The following ATE1 variants were observed in gnomAD, a reference collection of about 807,000 sequenced individuals.
ATE1 encodes the protein arginyl-tRNA--protein transferase 1.
Under a neutral mutation model 70.5 loss-of-function variants are expected in ATE1, and 36 were observed. The ratio of observed to expected loss-of-function variants is 0.51; its 90% CI spans 0.39 to 0.67. ATE1 has a LOEUF of 0.67. ATE1 is among the 30% of genes least tolerant of loss of function. The pLI is 0.00. For missense variants in ATE1, 593 were observed against 629.5 expected (o/e 0.94, Z 0.62); for synonymous variants, 232 against 219.3 (o/e 1.06, Z -0.51).
intron 11 of ATE1, among the ~76,000 whole-genome samples, chr10:121,749,390 T>A (rs1944493690): frequency 1.3e-5 from 2 of 152,186 alleles, no homozygotes; most frequent in African/African-American, 2.4e-5. Context: ...GCCTATCTTT[T>A]CTCACGTGAA....
intron 10 of ATE1, among the ~76,000 whole-genome samples, chr10:121,823,708 A>C (rs1947894139): frequency 6.6e-6 from 1 of 152,216 alleles, no homozygotes; most frequent in African/African-American, 2.4e-5. Flanking sequence ...CACTACATCA[A>C]GCTTTCTAGT....
intron 10 of ATE1, among the ~76,000 whole-genome samples, chr10:121,794,371 A>C (rs1331412498): frequency 1.3e-5 from 2 of 152,158 alleles, no homozygotes; most frequent in Non-Finnish European, 2.9e-5. Context: ...GCATATCTTG[A>C]TCTTTGTGAC....
intron 2 of ATE1, among the ~76,000 whole-genome samples, chr10:121,923,184 G>A (rs1224011424): frequency 6.6e-6 from 1 of 152,128 alleles, no homozygotes; most frequent in East Asian, 1.9e-4. Flanking sequence ...CTTCTAAAAA[G>A]TTCTGGCCAG....
chr10:121,914,507 T>TG (rs1347669632), intron 3 of ATE1, among the ~76,000 whole-genome samples: 1 of 149,592 alleles, frequency 6.7e-6, no homozygotes, highest in South Asian at 2.1e-4. Context: ...AGGCCAACAG[T>TG]GGAAAAAAAA....
intron 11 of ATE1, among the ~76,000 whole-genome samples, chr10:121,773,883 ATTAT>A (rs917412337): frequency 3.3e-5 from 5 of 152,164 alleles, no homozygotes; most frequent in Admixed American, 3.3e-4. Context: ...ATTTTAAAGC[ATTAT>A]TTGTTTTCAA....
intron 11 of ATE1, among the ~76,000 whole-genome samples, chr10:121,766,610 C>T (rs4751851): frequency 0.82 from 124,996 of 151,880 alleles, 51,785 homozygotes; most frequent in Non-Finnish European, 0.88. Context: ...AAAAAATCCC[C>T]GAAATTTGGG....
At chr10:121,784,696 TAA>T (rs1329857231) in intron 11 of ATE1, among the ~76,000 whole-genome samples, 1 of 152,002 alleles carries the variant, frequency 6.6e-6, no homozygotes, top group Non-Finnish European at 1.5e-5. Flanking sequence ...CCATCTCTAC[TAA>T]AAATACAAAA....
intron 11 of ATE1, among the ~76,000 whole-genome samples, chr10:121,768,889 T>A (rs1344613411): frequency 6.6e-6 from 1 of 151,986 alleles, no homozygotes; most frequent in African/African-American, 2.4e-5. Flanking sequence ...AAACTGCTGA[T>A]GAAAAAAAAT....
At chr10:121,813,904 C>T (rs549754991) in intron 10 of ATE1, among the ~76,000 whole-genome samples, 3 of 152,278 alleles carry the variant, frequency 2.0e-5, no homozygotes, top group South Asian at 4.1e-4. Flanking sequence ...TTGACATAAA[C>T]GTGGCTGTGT....
intron 11 of ATE1, among the ~76,000 whole-genome samples, chr10:121,754,861 AC>A (rs1944728881): frequency 6.6e-6 from 1 of 152,202 alleles, no homozygotes; most frequent in South Asian, 2.1e-4. Context: ...ATGAATTAAC[AC>A]TGTATACCTC....
At chr10:121,927,430 G>A (rs1477629612) in intron 1 of ATE1, 2 of 984,124 alleles carry the variant, frequency 2.0e-6, no homozygotes, top group Non-Finnish European at 2.4e-6. Context: ...ACCGGCACCT[G>A]TGTGCACACC....
At chr10:121,892,216 G>T (rs531508426) in intron 7 of ATE1, among the ~76,000 whole-genome samples, 1 of 152,118 alleles carries the variant, frequency 6.6e-6, no homozygotes, top group East Asian at 1.9e-4. Flanking sequence ...AGTGGAGAAA[G>T]AATTTCTAGG....
intron 11 of ATE1, among the ~76,000 whole-genome samples, chr10:121,762,691 C>T (rs941794495): frequency 3.9e-5 from 6 of 152,164 alleles, no homozygotes; most frequent in Non-Finnish European, 8.8e-5. Flanking sequence ...ACTGGTTCCA[C>T]TTTGTGCCCT....
chr10:121,911,193 T>C (rs1951410717), intron 4 of ATE1, 42 bp from the exon 5 acceptor site: 2 of 1,590,334 alleles, frequency 1.3e-6, no homozygotes, highest in Non-Finnish European at 1.7e-6. Context: ...GCTGGGTTAT[T>C]TGATACAGTT....
Position 121,902,404 on chromosome 10 carries a change from GA to G in ATE1, c.799del (p.Ser267HisfsTer4), listed in dbSNP as rs748591419. 1.9e-6 allele frequency: 3 copies of G among 1,613,882 alleles called. No individual in the cohort carries two copies. The Admixed American group carries it at 5.0e-5, about 27-fold the overall frequency. On this transcript the variant is annotated frameshift_variant, in exon 6 of 12. Coordinates refer to ENST00000224652, the MANE Select transcript of ATE1 (RefSeq NM_001001976.3). LOFTEE classifies it high-confidence loss of function. ...LIFESLPENA[S>X]HKLEVRVVRS... is the part of the protein sequence containing the mutation. ...CCTCCAAAGTACCTCTAACTTGTGT[GA>G]TGCATTCTCTGGTAAAGACTCAAAA...
chr10:121,915,153 T>TA (rs1310882240), intron 3 of ATE1, among the ~76,000 whole-genome samples: 2 of 152,100 alleles, frequency 1.3e-5, no homozygotes, highest in Non-Finnish European at 2.9e-5. Flanking sequence ...GAGAACCTTT[T>TA]AAAAAAATCC....
chr10:121,750,867 CG>C (rs576734407), intron 11 of ATE1, among the ~76,000 whole-genome samples: 12 of 152,172 alleles, frequency 7.9e-5, no homozygotes, highest in African/African-American at 2.4e-4. Flanking sequence ...TGAATGACAG[CG>C]GAAGAAATAC....
intron 10 of ATE1, among the ~76,000 whole-genome samples, chr10:121,824,374 GTGTT>G (rs1321497031): frequency 6.6e-6 from 1 of 152,146 alleles, no homozygotes; most frequent in Admixed American, 6.5e-5. Context: ...ATTTACCAAC[GTGTT>G]TGGTCAGGAA....
chr10:121,906,317 C>T (rs904129488), intron 5 of ATE1, among the ~76,000 whole-genome samples: 2 of 152,058 alleles, frequency 1.3e-5, no homozygotes, highest in African/African-American at 4.8e-5. Flanking sequence ...CACTTGAGTC[C>T]AGGAGTTCAA....
Sources: allele counts gnomAD v4.1 joint callset (sites outside exome capture counted in the v4.1 genomes callset), GRCh38; gene constraint gnomAD v4.1.1; transcripts MANE v1.5; gene names NCBI Gene and HGNC (gene_info 2026-07-23, HGNC 2026-07-21).